Variants in KLHL32 observed in about 807,000 individuals in gnomAD.
The protein encoded by KLHL32 is kelch like family member 32.
A neutral mutation model predicts 64.8 loss-of-function variants in KLHL32; 35 were observed. The observed-to-expected ratio is 0.54, with a 90% CI of 0.41 to 0.72. The LOEUF is 0.72. KLHL32 is among the 30% of genes least tolerant of loss of function. The pLI is 0.00. For synonymous variants in KLHL32, 259 were observed against 281.0 expected, an observed-to-expected ratio of 0.92 and a Z score of 0.78; for missense variants, 589 against 768.5, an observed-to-expected ratio of 0.77 and a Z score of 2.76.
chr6:97,005,417 T>C (rs539288348), intron 3 of KLHL32, among the ~76,000 whole-genome samples: 2 of 152,238 alleles, frequency 1.3e-5, no homozygotes, highest in South Asian at 4.1e-4. Flanking sequence ...TTATTTATTC[T>C]TTCAAAAAGC....
chr6:96,989,095 A>C (rs1188583270), intron 3 of KLHL32, among the ~76,000 whole-genome samples: 1 of 152,228 alleles, frequency 6.6e-6, no homozygotes, highest in Non-Finnish European at 1.5e-5. Context: ...CCTAAAATTT[A>C]AAGTATAATA....
rs746133545 is a variant in KLHL32, at chr6:97,047,673, G to A, written c.312+6074G>A. Among the ~76,000 whole-genome samples, 3 of 152,134 alleles carry A rather than the reference G, an allele frequency of 2.0e-5. 1 individual carries two copies. The highest frequency in any genetic ancestry group is 4.4e-5 in the Non-Finnish European group (3 of 68,028). ...GAGTAGAAGAGGTATGAGGAAGAAG[G>A]AAGAGAAATACTCTGATGGAAATGT... On this transcript the variant is annotated intron_variant, in intron 4 of 10. Coordinates refer to ENST00000369261, the MANE Select transcript of KLHL32 (RefSeq NM_052904.4).
chr6:96,937,636 G>A (rs13193960), intron 1 of KLHL32, among the ~76,000 whole-genome samples: 98,063 of 151,954 alleles, frequency 0.65, 31,765 homozygotes, highest in South Asian at 0.66. Flanking sequence ...GTGGAGGAGA[G>A]CATGGAATCA....
At chr6:97,039,192 A>G (rs1784747452) in intron 3 of KLHL32, among the ~76,000 whole-genome samples, 1 of 152,316 alleles carries the variant, frequency 6.6e-6, no homozygotes, top group African/African-American at 2.4e-5. Context: ...ACCCAAAGAA[A>G]TATTATTTAG....
chr6:97,104,357 C>T (rs1345297604), intron 6 of KLHL32, among the ~76,000 whole-genome samples: 7 of 152,066 alleles, frequency 4.6e-5, no homozygotes, highest in South Asian at 2.1e-4. Context: ...AAGGGCTTTT[C>T]GCTTTTGGAA....
intron 1 of KLHL32, among the ~76,000 whole-genome samples, chr6:96,936,258 C>T (rs921507272): frequency 1.4e-4 from 22 of 152,122 alleles, no homozygotes; most frequent in African/African-American, 5.3e-4. Context: ...TTTTGCATGG[C>T]CGTTCATTTC....
At chr6:96,953,847 T>C (rs993516880) in intron 1 of KLHL32, among the ~76,000 whole-genome samples, 1 of 126,230 alleles carries the variant, frequency 7.9e-6, no homozygotes, top group Non-Finnish European at 1.6e-5. Context: ...TTTTCATTAA[T>C]AGTTGTCTTT....
At chr6:96,902,987 T>C in the KLHL32 span, among the ~76,000 whole-genome samples, 2 of 152,084 alleles carry the variant, frequency 1.3e-5, no homozygotes, top group South Asian at 2.1e-4. Context: ...TTTTGGTTAC[T>C]GTAGCCCTGT....
At chr6:96,968,546 G>A (rs1774745471) in intron 2 of KLHL32, among the ~76,000 whole-genome samples, 1 of 152,096 alleles carries the variant, frequency 6.6e-6, no homozygotes, top group African/African-American at 2.4e-5. Flanking sequence ...CAGGATCAGT[G>A]TGCATACTTA....
At chr6:97,022,029 A>G (rs1782061427) in intron 3 of KLHL32, among the ~76,000 whole-genome samples, 1 of 150,732 alleles carries the variant, frequency 6.6e-6, no homozygotes, top group African/African-American at 2.5e-5. Flanking sequence ...GGTCTAAACT[A>G]CCATTATGTT....
At chr6:97,084,999 T>G (rs1793171351) in intron 5 of KLHL32, 127 bp from the exon 6 acceptor site, 1 of 677,416 alleles carries the variant, frequency 1.5e-6, no homozygotes, top group Admixed American at 2.8e-5. Flanking sequence ...TTTTTTTTTA[T>G]ACTAGCCCTC....
At chr6:97,071,863 T>C (rs1024562386) in intron 5 of KLHL32, among the ~76,000 whole-genome samples, 4 of 152,224 alleles carry the variant, frequency 2.6e-5, no homozygotes, top group African/African-American at 4.8e-5. Context: ...TCCCTGCCTG[T>C]AGTCTAATGC....
intron 4 of KLHL32, among the ~76,000 whole-genome samples, chr6:97,050,343 G>A (rs373592590): frequency 2.0e-5 from 3 of 152,122 alleles, no homozygotes; most frequent in African/African-American, 7.2e-5. Context: ...GATGTGAAAA[G>A]GTTTATTCCT....
intron 4 of KLHL32, among the ~76,000 whole-genome samples, chr6:97,064,088 A>G (rs912868724): frequency 3.9e-5 from 6 of 152,188 alleles, no homozygotes; most frequent in Non-Finnish European, 2.9e-5. Flanking sequence ...TCTGAGACTG[A>G]GAAAGAGGAA....
At chr6:97,048,445 C>T (rs1415989339) in intron 4 of KLHL32, among the ~76,000 whole-genome samples, 1 of 152,132 alleles carries the variant, frequency 6.6e-6, no homozygotes, top group Non-Finnish European at 1.5e-5. Context: ...ATTGTATCAC[C>T]ATTACTGTTC....
In KLHL32 at chr6:97,139,842, G is replaced by A. The variant is rs891736392; in HGVS notation, c.*560G>A. On this transcript the variant is annotated 3_prime_UTR_variant, in exon 11 of 11. Coordinates refer to ENST00000369261, the MANE Select transcript of KLHL32 (RefSeq NM_052904.4). ...GACATACACTGGAACAGCAGTTGTT[G>A]AAATACCCAGATTTTTCACCTTGGT... 7.9e-5 allele frequency: 12 copies of A among 152,130 alleles called. No homozygotes were observed. Among genetic ancestry groups the A allele is most frequent in the Non-Finnish European group, 1.0e-4 (7 of 68,018 alleles). 9.4% of individuals were successfully genotyped at this position (152,130 alleles called of 1,614,324 possible).
At chr6:97,050,780 A>T (rs1786765985) in intron 4 of KLHL32, among the ~76,000 whole-genome samples, 1 of 152,182 alleles carries the variant, frequency 6.6e-6, no homozygotes, top group South Asian at 2.1e-4. Context: ...AGGTGGGCAG[A>T]TCACCTGTGG....
intron 3 of KLHL32, among the ~76,000 whole-genome samples, chr6:97,026,903 C>G (rs377661836): frequency 4.0e-4 from 61 of 152,182 alleles, no homozygotes; most frequent in East Asian, 3.9e-3. Flanking sequence ...GTGGCTTACA[C>G]CTGTATTCCC....
chr6:97,073,491 T>C (rs1371304842), intron 5 of KLHL32, among the ~76,000 whole-genome samples: 1 of 152,170 alleles, frequency 6.6e-6, no homozygotes, highest in African/African-American at 2.4e-5. Flanking sequence ...TTGTATTGTT[T>C]CCCCTGCCCT....
Sources: gnomAD v4.1 joint callset for allele counts (sites outside exome capture counted in the v4.1 genomes callset) on GRCh38, gnomAD v4.1.1 for gene constraint, MANE v1.5 for transcripts, NCBI Gene and HGNC (gene_info 2026-07-23, HGNC 2026-07-21) for gene names.